The following CEP85L variants were observed in gnomAD, a reference collection of about 807,000 sequenced individuals.
CEP85L encodes the protein centrosomal protein 85L, also known as centrosomal protein of 85 kDa-like.
A neutral mutation model predicts 100.3 loss-of-function variants in CEP85L; 60 were observed. The observed-to-expected ratio is 0.60, with a 90% confidence interval of 0.49 to 0.74. The LOEUF (loss-of-function observed/expected upper bound fraction) is 0.74. Ranked by LOEUF, CEP85L falls within the 30% of genes least tolerant of loss-of-function variation. The probability of loss-of-function intolerance (pLI) is 0.00; values close to 1 mark genes in which losing one functional copy is unlikely to be tolerated. For missense variants in CEP85L, 973 were observed against 936.2 expected (o/e 1.04, Z -0.51); for synonymous variants, 319 against 322.7 (o/e 0.99, Z 0.12).
chr6:118,535,974 A>G (rs535891711), intron 3 of CEP85L, among the ~76,000 whole-genome samples: 3 of 152,284 alleles, frequency 2.0e-5, no homozygotes, highest in African/African-American at 7.2e-5. Flanking sequence ...AGTTGCATGT[A>G]AATTATACTT....
At chr6:118,536,762 G>C (rs1777619161) in intron 3 of CEP85L, among the ~76,000 whole-genome samples, 2 of 152,150 alleles carry the variant, frequency 1.3e-5, no homozygotes, top group South Asian at 4.1e-4. Flanking sequence ...CTACAAGCTG[G>C]TTCTTAGGCG....
At chr6:118,487,462 C>T (rs1774265427) in intron 6 of CEP85L, among the ~76,000 whole-genome samples, 2 of 152,148 alleles carry the variant, frequency 1.3e-5, no homozygotes, top group Admixed American at 1.3e-4. Context: ...AATAGTAAAA[C>T]CCCCAACATG....
intron 3 of CEP85L, among the ~76,000 whole-genome samples, chr6:118,542,359 T>TAA (rs1234779069): frequency 2.0e-5 from 3 of 152,128 alleles, no homozygotes; most frequent in Non-Finnish European, 4.4e-5. Flanking sequence ...CCTTACCTAA[T>TAA]AGAGTGCCTG....
intron 3 of CEP85L, among the ~76,000 whole-genome samples, chr6:118,531,835 T>C (rs982869030): frequency 1.3e-5 from 2 of 151,998 alleles, no homozygotes; most frequent in Non-Finnish European, 2.9e-5. Flanking sequence ...AGAATGGTTA[T>C]TACTAAAAAG....
rs71012391 is a variant in CEP85L, at chr6:118,542,900, C to CAAAAAAAAAAAA, written c.1021-18992_1021-18981dup. Among the ~76,000 whole-genome samples, 32 of 67,158 alleles carry CAAAAAAAAAAAA rather than the reference C, an allele frequency of 4.8e-4. 2 individuals carry two copies. Among genetic ancestry groups the CAAAAAAAAAAAA allele is most frequent in the Non-Finnish European group, 7.5e-4 (26 of 34,564 alleles). The allele number at this position is 67,158 out of a possible 152,430, so 44.1% of individuals were successfully genotyped here. A position where few individuals can be genotyped will look rare whatever the true frequency, so the allele number is the denominator to read the frequency against. On this transcript the variant is annotated intron_variant, in intron 3 of 12. Transcript: ENST00000368491. Reference sequence around the variant, plus strand: ...GAACTTCAACATCACCAAGTTTTCCCAAAAAAAAAAAAAAAAAAAAAAACA... The same window carrying CAAAAAAAAAAAA: ...GAACTTCAACATCACCAAGTTTTCCCAAAAAAAAAAAAAAAAAAAAAAAAAAAAAAAAAAACA...
chr6:118,562,074 T>C (rs1299690474), intron 3 of CEP85L, among the ~76,000 whole-genome samples: 6 of 152,198 alleles, frequency 3.9e-5, no homozygotes, highest in Admixed American at 2.6e-4. Flanking sequence ...ACTAATTTTA[T>C]TCATTAAAAC....
chr6:118,518,705 AAG>A (rs1219085741), intron 4 of CEP85L, among the ~76,000 whole-genome samples: 1 of 152,116 alleles, frequency 6.6e-6, no homozygotes, highest in African/African-American at 2.4e-5. Flanking sequence ...TAATATTTTG[AAG>A]AGTTTTCCAG....
chr6:118,708,860 C>T (rs1345582405), intron 1 of CEP85L, among the ~76,000 whole-genome samples: 1 of 152,014 alleles, frequency 6.6e-6, no homozygotes, highest in Non-Finnish European at 1.5e-5. Context: ...TCACTTTAAC[C>T]CTGTTATTTC....
At chr6:118,604,264 AAG>A (rs1772025181) in intron 2 of CEP85L, among the ~76,000 whole-genome samples, 1 of 152,144 alleles carries the variant, frequency 6.6e-6, no homozygotes, top group African/African-American at 2.4e-5. Flanking sequence ...TTTTTTGTGA[AAG>A]AGCAGATTAG....
chr6:118,692,089 G>T (rs1047619476), intron 1 of CEP85L, among the ~76,000 whole-genome samples: 3 of 152,104 alleles, frequency 2.0e-5, no homozygotes, highest in African/African-American at 7.2e-5. Flanking sequence ...AGGCTGAGGT[G>T]TATGGAAGCT....
chr6:118,477,834 T>C (rs565002710), intron 10 of CEP85L, among the ~76,000 whole-genome samples: 63 of 152,268 alleles, frequency 4.1e-4, no homozygotes, highest in African/African-American at 1.4e-3. Context: ...ACTATAGTGA[T>C]AGTCAAAATG....
chr6:118,629,199 G>C (rs1299916976), intron 2 of CEP85L, among the ~76,000 whole-genome samples: 1 of 152,104 alleles, frequency 6.6e-6, no homozygotes, highest in African/African-American at 2.4e-5. Context: ...TAAAGGACTT[G>C]AGCATCCTCA....
At chr6:118,561,951 A>G (rs530508184) in intron 3 of CEP85L, among the ~76,000 whole-genome samples, 1 of 152,288 alleles carries the variant, frequency 6.6e-6, no homozygotes, top group East Asian at 1.9e-4. Context: ...ACTATAATAA[A>G]TTTTCAGAAA....
chr6:118,617,344 A>C (rs1773130493), intron 2 of CEP85L, among the ~76,000 whole-genome samples: 1 of 152,200 alleles, frequency 6.6e-6, no homozygotes, highest in Non-Finnish European at 1.5e-5. Flanking sequence ...CCAGAGTTAA[A>C]GAAAAGATTA....
At chr6:118,505,315 C>T (rs1328542450) in intron 5 of CEP85L, among the ~76,000 whole-genome samples, 2 of 144,096 alleles carry the variant, frequency 1.4e-5, no homozygotes, top group Non-Finnish European at 3.0e-5. Flanking sequence ...GTGACACGCG[C>T]CTGTAATCCC....
chr6:118,618,508 C>A (rs546498787), intron 2 of CEP85L, among the ~76,000 whole-genome samples: 1 of 152,118 alleles, frequency 6.6e-6, no homozygotes, highest in East Asian at 1.9e-4. Flanking sequence ...CTTCATTGTT[C>A]CCCAGATGAA....
At chr6:118,662,432 A>T (rs1002463574) in intron 1 of CEP85L, among the ~76,000 whole-genome samples, 2 of 151,976 alleles carry the variant, frequency 1.3e-5, no homozygotes, top group Non-Finnish European at 2.9e-5. Flanking sequence ...CGGGAGGCTG[A>T]GGCAGGAGAA....
intron 1 of CEP85L, among the ~76,000 whole-genome samples, chr6:118,675,672 G>A (rs1050731501): frequency 2.0e-5 from 3 of 151,772 alleles, no homozygotes; most frequent in Non-Finnish European, 4.4e-5. Flanking sequence ...GGAGGCTGAA[G>A]TGGGAGGACT....
intron 5 of CEP85L, among the ~76,000 whole-genome samples, chr6:118,494,702 A>G (rs778056131): frequency 1.4e-4 from 21 of 152,186 alleles, no homozygotes; most frequent in Non-Finnish European, 2.8e-4. Context: ...TTCCCTGCAC[A>G]CTTTACCACT....
Sources: gnomAD v4.1 joint callset for allele counts (sites outside exome capture counted in the v4.1 genomes callset) on GRCh38, gnomAD v4.1.1 for gene constraint, MANE v1.5 for transcripts, NCBI Gene and HGNC (gene_info 2026-07-23, HGNC 2026-07-21) for gene names.